CENPS: variants seen among roughly 807,000 people sequenced by gnomAD.
CENPS encodes centromere protein S.
In CENPS, 16 loss-of-function variants were observed where a neutral mutation model predicts 17.9. That is an observed-to-expected ratio of 0.90 (90% CI 0.61 to 1.36). The LOEUF is 1.36. Among genes scored for constraint, CENPS ranks in the 40% most tolerant of loss-of-function variants. The probability of loss-of-function intolerance (pLI) is 0.00; values close to 1 mark genes in which losing one functional copy is unlikely to be tolerated. For synonymous variants in CENPS, 49 were observed against 55.8 expected (o/e 0.88, Z 0.54); for missense variants, 160 against 158.6 (o/e 1.01, Z -0.05).
rs781419942 is a variant in CENPS at position 10,440,379 on chromosome 1, A to G, written c.242A>G (p.Asp81Gly). 16 of 1,613,894 alleles carry G rather than the reference A, an allele frequency of 9.9e-6. No homozygotes were observed. The highest frequency in any genetic ancestry group is 1.3e-5 in the Non-Finnish European group (15 of 1,179,992). Residue 81 changes from aspartate (D) to glycine (G), a missense_variant, in exon 4 of 5, where the codon GAT becomes GGT. Transcript: ENST00000309048. ...HAKRTTINTE[D>G]VKLLARRSNS... ...AAAAGAACCACAATTAACACTGAAG[A>G]TGTGAAGCTCTTAGCCAGGAGGAGT...
intron 1 of CENPS, chr1:10,430,999 T>C: frequency 7.7e-7 from 1 of 1,290,480 alleles, no homozygotes. Flanking sequence ...TCGTTACTGA[T>C]GCAGGGACGC....
At chr1:10,440,152 T>C in intron 3 of CENPS, 195 bp from the exon 4 acceptor site, 1 of 670,138 alleles carries the variant, frequency 1.5e-6, no homozygotes, top group South Asian at 2.1e-5. Flanking sequence ...CTCCGCATTC[T>C]CCATCTCTTT....
intron 3 of CENPS, 92 bp from the exon 4 acceptor site, chr1:10,440,255 C>A: frequency 6.7e-7 from 1 of 1,500,124 alleles, no homozygotes; most frequent in Admixed American, 2.1e-5. Context: ...GAGATCCCTG[C>A]TAGTTTGAAG....
intron 3 of CENPS, among the ~76,000 whole-genome samples, chr1:10,435,347 G>A (rs144159253): frequency 1.2e-4 from 19 of 152,176 alleles, no homozygotes; most frequent in African/African-American, 4.6e-4. Context: ...GCTGCCACTT[G>A]GATTCGGTGC....
intron 1 of CENPS, chr1:10,431,420 C>T (rs1639908173): frequency 2.6e-6 from 4 of 1,534,952 alleles, no homozygotes; most frequent in Non-Finnish European, 3.5e-6. Context: ...TGCCCAGATG[C>T]CCGTCACCTT....
At chr1:10,436,898 TC>T (rs943559950) in intron 3 of CENPS, among the ~76,000 whole-genome samples, 1 of 152,068 alleles carries the variant, frequency 6.6e-6, no homozygotes, top group Admixed American at 6.6e-5. Flanking sequence ...TTGTGTGAAT[TC>T]CAGTTTGCTT....
At chr1:10,434,348 C>T (rs954240101) in intron 2 of CENPS, among the ~76,000 whole-genome samples, 1 of 152,186 alleles carries the variant, frequency 6.6e-6, no homozygotes, top group African/African-American at 2.4e-5. Context: ...AATGAAAGAC[C>T]TCACAAGCCT....
chr1:10,436,007 T>C (rs1177294013), intron 3 of CENPS, among the ~76,000 whole-genome samples: 2 of 149,562 alleles, frequency 1.3e-5, no homozygotes, highest in Non-Finnish European at 3.0e-5. Context: ...GGAGACAGAG[T>C]CTCACTCTCG....
intron 3 of CENPS, among the ~76,000 whole-genome samples, chr1:10,435,738 T>TAC (rs1640126584): frequency 6.7e-6 from 1 of 148,866 alleles, no homozygotes; most frequent in African/African-American, 2.5e-5. Context: ...CACACACACA[T>TAC]ATACATAAAT....
At chr1:10,438,005 G>A (rs1224215146) in intron 3 of CENPS, among the ~76,000 whole-genome samples, 2 of 151,844 alleles carry the variant, frequency 1.3e-5, no homozygotes, top group African/African-American at 2.4e-5. Flanking sequence ...CAGGTGATCC[G>A]CCTGCCTCGG....
chr1:10,438,927 A>G lies in CENPS; in HGVS notation c.210-1420A>G, dbSNP rs1350039638. ...AGGCCACCCTGTCCATGTGCACTTA[A>G]CATTCTCCACCCAGAACGTCTGTGG... On this transcript the variant is annotated intron_variant, in intron 3 of 4. Transcript: ENST00000309048. Among the ~76,000 whole-genome samples, 5 of 152,300 alleles carry G rather than the reference A, an allele frequency of 3.3e-5. No homozygotes were observed. The East Asian group carries it at 9.6e-4, about 29-fold the overall frequency.
chr1:10,433,695 T>C (rs557207625), intron 1 of CENPS, 147 bp from the exon 2 acceptor site: 31 of 1,433,478 alleles, frequency 2.2e-5, no homozygotes, highest in Non-Finnish European at 1.3e-5. Flanking sequence ...ATTAACTTAT[T>C]AGTACACTTG....
In CENPS at chr1:10,433,956, C is replaced by T. The variant is rs138619348; in HGVS notation, c.166C>T (p.Arg56Ter). The T allele has an allele frequency of 2.4e-5, 38 of 1,613,992 alleles. No individual in the cohort carries two copies. The highest frequency in any genetic ancestry group is 2.2e-5 in the East Asian group (1 of 44,896). The change falls in exon 2 of 5, where the codon CGA (arginine) becomes TGA (stop). Residue 56 changes from arginine to a stop codon, truncating the protein, a stop_gained. Transcript: ENST00000309048. LOFTEE classifies it high-confidence loss of function. The part of the protein sequence containing the change: ...TIAAISELTF[R>*]QCENFAKDLE... Reference sequence around the variant, plus strand: ...TGCGGCCATTTCGGAGCTGACTTTCCGACAGTGTGGTATGAAGCTTCGGCC... The same window carrying T: ...TGCGGCCATTTCGGAGCTGACTTTCTGACAGTGTGGTATGAAGCTTCGGCC...
At chr1:10,435,233 G>A (rs1438564881) in intron 3 of CENPS, among the ~76,000 whole-genome samples, 1 of 152,248 alleles carries the variant, frequency 6.6e-6, no homozygotes, top group South Asian at 2.1e-4. Context: ...TTTATGCTCC[G>A]CTCTTCAATT....
chr1:10,436,554 A>C, intron 3 of CENPS, among the ~76,000 whole-genome samples: 1 of 151,278 alleles, frequency 6.6e-6, no homozygotes, highest in Admixed American at 6.6e-5. Context: ...CAAAAAAAAA[A>C]AATTAGCTGG....
At chr1:10,439,139 A>T (rs1018558849) in intron 3 of CENPS, among the ~76,000 whole-genome samples, 21 of 152,254 alleles carry the variant, frequency 1.4e-4, no homozygotes, top group African/African-American at 4.6e-4. Flanking sequence ...AATGTAAAGG[A>T]TTAATTTGGC....
chr1:10,437,074 T>A lies in CENPS; in HGVS notation c.209+2384T>A, dbSNP rs537737451. On this transcript the variant is annotated intron_variant, in intron 3 of 4. Transcript: ENST00000309048. ...GGACTGTTTCAAGTCAACTATATGT[T>A]ACATAGTCTCTGTAGGCTGGCCTGG... Among the ~76,000 whole-genome samples, 33 of 152,344 alleles carry A rather than the reference T, an allele frequency of 2.2e-4. 1 individual carries two copies. The highest frequency in any genetic ancestry group is 7.9e-4 in the African/African-American group (33 of 41,584).
In CENPS at chr1:10,433,959, C is replaced by T; in HGVS notation, c.169C>T (p.Gln57Ter). 6.2e-7 allele frequency: 1 copy of T among 1,614,162 alleles called. No individual in the cohort carries two copies. Among genetic ancestry groups the T allele is most frequent in the Non-Finnish European group, 8.5e-7 (1 of 1,180,018 alleles). ...IAAISELTFR[Q>*]CENFAKDLEM... is the part of the protein sequence containing the mutation. Reference sequence around the variant, plus strand: ...GGCCATTTCGGAGCTGACTTTCCGACAGTGTGGTATGAAGCTTCGGCCTCC... The same window carrying T: ...GGCCATTTCGGAGCTGACTTTCCGATAGTGTGGTATGAAGCTTCGGCCTCC... Residue 57 changes from glutamine (Q) to a stop codon, truncating the protein, a stop_gained, in exon 2 of 5, where the codon CAG becomes TAG. Transcript: ENST00000309048. LOFTEE classifies it high-confidence loss of function.
Position 10,430,476 on chromosome 1 carries a change from C to T in CENPS, c.-42C>T, listed in dbSNP as rs1349354752. ...CCGACCTGGCCGCGCACCACCGCCC[C>T]TTCTCGGCCCTCCTGCGTTTGCCCA... is the stretch of plus-strand genomic sequence containing the variant. On this transcript the variant is annotated 5_prime_UTR_variant, in exon 1 of 5. Transcript: ENST00000309048. The T allele has an allele frequency of 8.5e-6, 13 of 1,531,990 alleles. No individual in the cohort carries two copies. The highest frequency in any genetic ancestry group is 1.4e-5 in the African/African-American group (1 of 69,866). The allele number at this position is 1,531,990 out of a possible 1,614,324, so 94.9% of individuals were successfully genotyped here. A position where few individuals can be genotyped will look rare whatever the true frequency, so the allele number is the denominator to read the frequency against.
Sources: allele counts gnomAD v4.1 joint callset (sites outside exome capture counted in the v4.1 genomes callset), GRCh38; gene constraint gnomAD v4.1.1; transcripts MANE v1.5; gene names NCBI Gene and HGNC (gene_info 2026-07-23, HGNC 2026-07-21).